Variants in HAL observed in about 807,000 individuals in gnomAD.
The protein encoded by HAL is histidase.
A neutral mutation model predicts 81.1 loss-of-function variants in HAL; 85 were observed. The ratio of observed to expected loss-of-function variants is 1.05; its 90% CI spans 0.88 to 1.25. The LOEUF (loss-of-function observed/expected upper bound fraction) is 1.25, where lower values mean the gene tolerates loss of function less well. Among genes scored for constraint, HAL ranks in the 50% most tolerant of loss-of-function variants. The pLI, the probability that HAL is intolerant of heterozygous loss-of-function variation, is 0.00. For missense variants in HAL, 798 were observed against 836.6 expected (o/e 0.95, Z 0.57); for synonymous variants, 301 against 309.2 (o/e 0.97, Z 0.28).
intron 9 of HAL, among the ~76,000 whole-genome samples, chr12:95,991,571 A>G (rs76247794): frequency 2.0e-5 from 3 of 152,222 alleles, no homozygotes; most frequent in Non-Finnish European, 4.4e-5. Context: ...AAAAGTTACC[A>G]AAAAAGAGGC....
chr12:95,995,020 A>G, intron 2 of HAL, 27 bp from the exon 3 acceptor site: 4 of 1,541,082 alleles, frequency 2.6e-6, no homozygotes, highest in South Asian at 1.1e-5. Flanking sequence ...GAGACTCGTT[A>G]CAGATCACAT....
At position 95,974,170 on chromosome 12, in the gene HAL, G is replaced by A; in HGVS notation, c.*62C>T. ...GGAAAGTTCTCAGGTCTCTCCTTCAGCCTAGTATTGCTTTGTGCTAAACTG... is the reference window on the plus strand; with the variant it reads ...GGAAAGTTCTCAGGTCTCTCCTTCAACCTAGTATTGCTTTGTGCTAAACTG... On this transcript the variant is annotated 3_prime_UTR_variant, in exon 21 of 21. Coordinates refer to ENST00000261208, the MANE Select transcript of HAL (RefSeq NM_002108.4). The A allele has an allele frequency of 7.0e-7, 1 of 1,431,822 alleles. No individual in the cohort carries two copies. Among genetic ancestry groups the A allele is most frequent in the Non-Finnish European group, 9.9e-7 (1 of 1,013,736 alleles). The allele number at this position is 1,431,822 out of a possible 1,614,324, so 88.7% of individuals were successfully genotyped here. A position where few individuals can be genotyped will look rare whatever the true frequency, so the allele number is the denominator to read the frequency against.
At chr12:95,983,130 G>A (rs1001332172) in intron 15 of HAL, among the ~76,000 whole-genome samples, 3 of 152,248 alleles carry the variant, frequency 2.0e-5, no homozygotes, top group Non-Finnish European at 4.4e-5. Flanking sequence ...GCTCACACCT[G>A]TAATCCCGGC....
At position 95,980,697 on chromosome 12, in the gene HAL, T is replaced by G. The variant is rs142147961; in HGVS notation, c.1378A>C (p.Ile460Leu). The G allele has an allele frequency of 9.5e-4, 1,531 of 1,614,142 alleles. 22 individuals carry two copies. The African/African-American group carries it at 0.018, about 19-fold the overall frequency. ...TCACTGATTGCAGCAAGTTCATGGA[T>G]GCCAATGGCCAAGTAGTCTAGGGCC... Reference protein sequence around the residue: ...AKALDYLAIGIHELAAISERR... With the variant: ...AKALDYLAIGLHELAAISERR... The change falls in exon 17 of 21, where the codon ATC becomes CTC. Residue 460 changes from isoleucine to leucine, a missense_variant. By Grantham distance (5) the Ile-to-Leu change is conservative. Transcript: ENST00000261208.
chr12:95,996,278 C>T lies in HAL; in HGVS notation c.-282G>A, dbSNP rs1193770077. On this transcript the variant is annotated 5_prime_UTR_variant, in exon 1 of 21. Transcript: ENST00000261208. ...CAGGGTCCCCAATTTCTCTCTCTTC[C>T]CTCGTTTCTGTCTGTGTTCTCTGCC... 4 of 310,034 alleles carry T rather than the reference C, an allele frequency of 1.3e-5. No homozygotes were observed. The highest frequency in any genetic ancestry group is 8.6e-5 in the African/African-American group (4 of 46,674). The allele number at this position is 310,034 out of a possible 1,614,324, so 19.2% of individuals were successfully genotyped here.
chr12:95,988,888 A>G (rs12319274), intron 10 of HAL, among the ~76,000 whole-genome samples: 19,630 of 152,186 alleles, frequency 0.13, 1,541 homozygotes, highest in East Asian at 0.34. Flanking sequence ...AGGGGAAGTT[A>G]AGGTAAGAGA....
chr12:95,975,694 C>T (rs1433566942), intron 20 of HAL, among the ~76,000 whole-genome samples: 1 of 152,120 alleles, frequency 6.6e-6, no homozygotes, highest in East Asian at 1.9e-4. Flanking sequence ...AAGTTGGCAG[C>T]AGGCAAGCAG....
At chr12:95,977,453 G>A (rs1231677501) in intron 18 of HAL, among the ~76,000 whole-genome samples, 1 of 151,522 alleles carries the variant, frequency 6.6e-6, no homozygotes, top group Non-Finnish European at 1.5e-5. Flanking sequence ...GACCAGCCAA[G>A]GCAACACAGC....
Position 95,990,583 on chromosome 12 carries a change from T to A in HAL, c.716-51A>T. On this transcript the variant is annotated intron_variant, in intron 9 of 20. Coordinates refer to ENST00000261208, the MANE Select transcript of HAL (RefSeq NM_002108.4). ...GTTCAAGAGTACTGCATTCTGACTC[T>A]CCTTGCTTTGCCAGTGAGTGCCCCC... 4 of 1,542,398 alleles carry A rather than the reference T, an allele frequency of 2.6e-6. No individual in the cohort carries two copies. The South Asian group carries it at 4.5e-5, about 17-fold the overall frequency.
At chr12:95,993,518 A>G in intron 7 of HAL, 30 bp from the exon 8 acceptor site, 5 of 1,454,988 alleles carry the variant, frequency 3.4e-6, no homozygotes, top group Non-Finnish European at 4.8e-6. Context: ...ACCCTCTTAG[A>G]TACATTGCAG....
intron 15 of HAL, 126 bp from the exon 16 acceptor site, chr12:95,980,989 C>T: frequency 1.3e-6 from 1 of 747,288 alleles, no homozygotes; most frequent in Non-Finnish European, 2.4e-6. Context: ...GGGAAAGAGA[C>T]AAGTCTTCCT....
intron 14 of HAL, among the ~76,000 whole-genome samples, chr12:95,985,420 C>G (rs899149807): frequency 1.3e-5 from 2 of 151,772 alleles, no homozygotes; most frequent in Admixed American, 1.3e-4. Context: ...ATGGTGAGAC[C>G]CCATCTCTAC....
rs757746615 is a variant in HAL at position 95,974,420 on chromosome 12, C to CA, written c.1834-49_1834-48insT. ...AGTTGAAATATTGACGACATTGTTT[C>CA]CACATGCTATTAAACATCAACTTCA... is the stretch of plus-strand genomic sequence containing the variant. On this transcript the variant is annotated intron_variant, in intron 20 of 20. Transcript: ENST00000261208. 7.0e-6 allele frequency: 11 copies of CA among 1,568,528 alleles called. No individual in the cohort carries two copies. The South Asian group carries it at 1.2e-4, about 17-fold the overall frequency.
intron 2 of HAL, among the ~76,000 whole-genome samples, chr12:95,995,365 G>C (rs1389426779): frequency 2.0e-5 from 3 of 152,162 alleles, no homozygotes; most frequent in Non-Finnish European, 4.4e-5. Flanking sequence ...ACTGCAAAGG[G>C]ATTCAGACCT....
intron 18 of HAL, among the ~76,000 whole-genome samples, chr12:95,977,099 A>G (rs1346436860): frequency 6.6e-6 from 1 of 152,200 alleles, no homozygotes; most frequent in African/African-American, 2.4e-5. Flanking sequence ...CCTCATCTTG[A>G]GCCCCAGTTC....
rs1592845396 is a variant in HAL at position 95,987,047 on chromosome 12, A to G, written c.1051+20T>C. On this transcript the variant is annotated intron_variant, in intron 12 of 20. Coordinates refer to ENST00000261208, the MANE Select transcript of HAL (RefSeq NM_002108.4). ...CCTCTGGTTGAATGAATAACAACCA[A>G]AAGGAAGAACCCTGCTGACCAGTGT... 1.2e-6 allele frequency: 2 copies of G among 1,607,224 alleles called. No individual in the cohort carries two copies. Among genetic ancestry groups the G allele is most frequent in the Non-Finnish European group, 1.7e-6 (2 of 1,174,534 alleles).
intron 14 of HAL, among the ~76,000 whole-genome samples, chr12:95,984,953 C>A (rs1949861809): frequency 6.6e-6 from 1 of 152,186 alleles, no homozygotes; most frequent in Non-Finnish European, 1.5e-5. Context: ...AAATTTGGCA[C>A]AGACCAAAAT....
intron 17 of HAL, 53 bp downstream of exon 17, chr12:95,980,503 A>T (rs1006556453): frequency 2.6e-6 from 4 of 1,561,238 alleles, no homozygotes; most frequent in Admixed American, 1.7e-5. Flanking sequence ...GGTGAAATGG[A>T]AAGACCCTTA....
intron 17 of HAL, 67 bp downstream of exon 17, chr12:95,980,489 T>C: frequency 1.4e-6 from 2 of 1,461,846 alleles, no homozygotes; most frequent in Admixed American, 3.3e-5. Context: ...ATTTGATACT[T>C]CTAGGTGAAA....
Sources: gnomAD v4.1 joint callset for allele counts (sites outside exome capture counted in the v4.1 genomes callset) on GRCh38, gnomAD v4.1.1 for gene constraint, MANE v1.5 for transcripts, NCBI Gene and HGNC (gene_info 2026-07-23, HGNC 2026-07-21) for gene names.